Variants in FHIT observed in about 807,000 individuals in gnomAD.
FHIT encodes the protein bis(5'-adenosyl)-triphosphatase.
A neutral mutation model predicts 17.9 loss-of-function variants in FHIT; 19 were observed. The ratio of observed to expected loss-of-function variants is 1.06; its 90% CI spans 0.74 to 1.56. The LOEUF (loss-of-function observed/expected upper bound fraction) is 1.56, where lower values mean the gene tolerates loss of function less well. Ranked by LOEUF, FHIT falls within the 40% of genes most tolerant of loss-of-function variation. The pLI is 0.00. For synonymous variants in FHIT, 81 were observed against 69.7 expected (o/e 1.16, Z -0.81); for missense variants, 248 against 189.2 (o/e 1.31, Z -1.82).
chr3:60,101,284 G>C (rs1342649082), intron 5 of FHIT, among the ~76,000 whole-genome samples: 3 of 152,216 alleles, frequency 2.0e-5, no homozygotes, highest in Non-Finnish European at 4.4e-5. Flanking sequence ...ATGTGGCACT[G>C]TACAGATGGC....
At chr3:60,331,253 C>A (rs1279713580) in intron 5 of FHIT, among the ~76,000 whole-genome samples, 2 of 152,188 alleles carry the variant, frequency 1.3e-5, no homozygotes, top group Non-Finnish European at 2.9e-5. Context: ...CTCCTAGTTT[C>A]TTGCACCTCT....
intron 4 of FHIT, among the ~76,000 whole-genome samples, chr3:60,797,865 A>C (rs1362474933): frequency 6.6e-6 from 1 of 152,030 alleles, no homozygotes; most frequent in Non-Finnish European, 1.5e-5. Context: ...TTAAATTCTA[A>C]TGTATAATTT....
At chr3:60,587,901 A>C (rs1448905682) in intron 4 of FHIT, among the ~76,000 whole-genome samples, 2 of 151,980 alleles carry the variant, frequency 1.3e-5, no homozygotes, top group East Asian at 3.9e-4. Flanking sequence ...CTGGGGTAGA[A>C]TCTGTATCAG....
intron 5 of FHIT, among the ~76,000 whole-genome samples, chr3:60,018,269 C>T (rs917089507): frequency 6.6e-6 from 1 of 152,160 alleles, no homozygotes; most frequent in African/African-American, 2.4e-5. Flanking sequence ...GTAGAGAGCT[C>T]ACTGGTTACC....
chr3:60,595,387 A>G (rs1379437741), intron 4 of FHIT, among the ~76,000 whole-genome samples: 1 of 137,572 alleles, frequency 7.3e-6, no homozygotes, highest in Non-Finnish European at 1.6e-5. Flanking sequence ...TTTTTTTTTT[A>G]TACTTGGCTC....
intron 8 of FHIT, among the ~76,000 whole-genome samples, chr3:59,883,798 G>T (rs1490911911): frequency 6.6e-6 from 1 of 152,180 alleles, no homozygotes; most frequent in African/African-American, 2.4e-5. Flanking sequence ...TGGCTATCTA[G>T]ATTTAAGAAA....
chr3:60,014,038 A>T lies in FHIT; in HGVS notation c.218T>A (p.Phe73Tyr), dbSNP rs1393801986. 3 of 1,613,904 alleles carry T rather than the reference A, an allele frequency of 1.9e-6. No homozygotes were observed. The highest frequency in any genetic ancestry group is 2.2e-5 in the East Asian group (1 of 44,862). The change falls in exon 6 of 10, where the codon TTC becomes TAC. Residue 73 changes from phenylalanine to tyrosine, a missense_variant. By Grantham distance (22) the Phe-to-Tyr change is conservative. Transcript: ENST00000492590. Reference sequence around the variant, plus strand: ...GGAAAAGGTGAGAGAGGTCCCATGGAAATGTTTTTCCACCACTGTCCCGAC... The same window carrying T: ...GGAAAAGGTGAGAGAGGTCCCATGGTAATGTTTTTCCACCACTGTCCCGAC... Reference protein sequence around the residue: ...QRVGTVVEKHFHGTSLTFSMQ... With the variant: ...QRVGTVVEKHYHGTSLTFSMQ...
At chr3:60,306,095 T>C (rs531374369) in intron 5 of FHIT, among the ~76,000 whole-genome samples, 2 of 152,284 alleles carry the variant, frequency 1.3e-5, no homozygotes, top group Non-Finnish European at 2.9e-5. Context: ...TACTGTGGTA[T>C]GTCTTCATGA....
intron 5 of FHIT, among the ~76,000 whole-genome samples, chr3:60,505,018 C>T (rs1279661722): frequency 6.6e-6 from 1 of 152,168 alleles, no homozygotes; most frequent in African/African-American, 2.4e-5. Context: ...ACCTGCTTCC[C>T]TGCCCACTAT....
chr3:59,965,649 T>TC (rs1161275479), intron 7 of FHIT, among the ~76,000 whole-genome samples: 1 of 152,188 alleles, frequency 6.6e-6, no homozygotes, highest in Non-Finnish European at 1.5e-5. Context: ...AGTTTAGGTT[T>TC]ATTAGATTTA....
chr3:60,358,945 G>T (rs940189969), intron 5 of FHIT, among the ~76,000 whole-genome samples: 2 of 152,186 alleles, frequency 1.3e-5, no homozygotes, highest in Non-Finnish European at 2.9e-5. Context: ...ATGGTAGATT[G>T]TTTTTCTTTG....
chr3:61,029,335 G>A (rs761786493), intron 3 of FHIT, among the ~76,000 whole-genome samples: 6 of 152,182 alleles, frequency 3.9e-5, no homozygotes, highest in East Asian at 1.9e-4. Flanking sequence ...GCAATCTAAC[G>A]CGTATGAACA....
chr3:61,140,646 G>A lies in FHIT; in HGVS notation c.-164+59971C>T, dbSNP rs910506722. 2.6e-5 allele frequency among the ~76,000 whole-genome samples: 4 copies of A among 152,138 alleles called. 1 individual carries two copies. Among genetic ancestry groups the A allele is most frequent in the Middle Eastern group, 6.3e-3 (2 of 316 alleles). ...AATATGACTACAATCAAAGCCCGAAGCTCTTGGTAGGTTTCACTGGCCTCT... is the reference window on the plus strand; with the variant it reads ...AATATGACTACAATCAAAGCCCGAAACTCTTGGTAGGTTTCACTGGCCTCT... On this transcript the variant is annotated intron_variant, in intron 2 of 9. Transcript: ENST00000492590.
intron 4 of FHIT, among the ~76,000 whole-genome samples, chr3:60,573,124 T>G (rs1378128899): frequency 6.6e-6 from 1 of 152,246 alleles, no homozygotes; most frequent in East Asian, 1.9e-4. Flanking sequence ...GGCTTTTTGC[T>G]AGAAAGCCTG....
intron 5 of FHIT, among the ~76,000 whole-genome samples, chr3:60,153,399 G>A (rs1189560115): frequency 6.7e-6 from 1 of 149,884 alleles, no homozygotes; most frequent in Non-Finnish European, 1.5e-5. Flanking sequence ...GGAGGTGGGG[G>A]AGAAAGAGGT....
chr3:60,671,750 ACCAACATGGTGAAACCCCATCTC>A (rs2040509622), intron 4 of FHIT, among the ~76,000 whole-genome samples: 1 of 147,300 alleles, frequency 6.8e-6, no homozygotes, highest in Admixed American at 6.9e-5. Flanking sequence ...GACCAGCCTG[ACCAACATGGTGAAACCCCATCTC>A]TACTAAAAAA....
At chr3:60,012,409 C>T (rs573878287) in intron 6 of FHIT, among the ~76,000 whole-genome samples, 5 of 151,694 alleles carry the variant, frequency 3.3e-5, no homozygotes, top group South Asian at 2.1e-4. Context: ...ACTGGGACTA[C>T]AGGCATGCAC....
intron 5 of FHIT, among the ~76,000 whole-genome samples, chr3:60,270,491 G>C (rs1188281599): frequency 6.6e-6 from 1 of 152,150 alleles, no homozygotes; most frequent in Non-Finnish European, 1.5e-5. Flanking sequence ...TTCCTTTCAG[G>C]GAAAAGGCAG....
chr3:60,801,711 A>ATTT (rs1553732365), intron 4 of FHIT, among the ~76,000 whole-genome samples: 1 of 152,232 alleles, frequency 6.6e-6, no homozygotes, highest in East Asian at 1.9e-4. Context: ...GGTCCCTGAC[A>ATTT]CTGATGGTAT....
Sources: gnomAD v4.1 joint callset for allele counts (sites outside exome capture counted in the v4.1 genomes callset) on GRCh38, gnomAD v4.1.1 for gene constraint, MANE v1.5 for transcripts, NCBI Gene and HGNC (gene_info 2026-07-23, HGNC 2026-07-21) for gene names.